Variants in ARFGEF1 observed in about 807,000 individuals in gnomAD.
The protein encoded by ARFGEF1 is ARF guanine nucleotide exchange factor 1.
A neutral mutation model predicts 231.0 loss-of-function variants in ARFGEF1; 42 were observed. That is an observed-to-expected ratio of 0.18 (90% confidence interval 0.14 to 0.24). The LOEUF (loss-of-function observed/expected upper bound fraction) is 0.24. ARFGEF1 is among the 10% of genes least tolerant of loss of function. The pLI is 1.00. For synonymous variants in ARFGEF1, 710 were observed against 732.3 expected (o/e 0.97, Z 0.49); for missense variants, 1,345 against 2,192.0 (o/e 0.61, Z 7.72).
At chr8:67,236,953 T>C (rs533156552) in intron 22 of ARFGEF1, among the ~76,000 whole-genome samples, 3 of 152,374 alleles carry the variant, frequency 2.0e-5, no homozygotes, top group African/African-American at 4.8e-5. Flanking sequence ...TCATTATTTC[T>C]CGTTTGACTA....
intron 1 of ARFGEF1, among the ~76,000 whole-genome samples, chr8:67,332,202 A>G (rs1808132211): frequency 6.6e-6 from 1 of 152,226 alleles, no homozygotes; most frequent in Non-Finnish European, 1.5e-5. Flanking sequence ...GAAGTCACTG[A>G]GATTTACAAC....
chr8:67,298,716 C>T lies in ARFGEF1; in HGVS notation c.459+493G>A, dbSNP rs577873272. On this transcript the variant is annotated intron_variant, in intron 4 of 38. Coordinates refer to ENST00000262215, the MANE Select transcript of ARFGEF1 (RefSeq NM_006421.5). ...TACTTTTCCTCTAACAAACTCTTGGCATACAACATTAAAATCCCCTAATAT... is the reference window on the plus strand; with the variant it reads ...TACTTTTCCTCTAACAAACTCTTGGTATACAACATTAAAATCCCCTAATAT... Among the ~76,000 whole-genome samples the T allele has an allele frequency of 3.3e-5, 5 of 152,154 alleles. No individual in the cohort carries two copies. The East Asian group carries it at 5.8e-4, about 18-fold the overall frequency.
intron 6 of ARFGEF1, 106 bp downstream of exon 6, chr8:67,291,739 GAC>G: frequency 1.4e-6 from 2 of 1,406,444 alleles, no homozygotes; most frequent in Non-Finnish European, 9.7e-7. Flanking sequence ...CAATGTGTCT[GAC>G]ACACTTATTA....
intron 7 of ARFGEF1, among the ~76,000 whole-genome samples, chr8:67,280,150 C>G (rs974412008): frequency 6.6e-6 from 1 of 152,052 alleles, no homozygotes; most frequent in Admixed American, 6.6e-5. Flanking sequence ...AAAGAATAGG[C>G]CAACCTGAGA....
chr8:67,259,108 A>G (rs1840560096), intron 15 of ARFGEF1, among the ~76,000 whole-genome samples: 1 of 152,236 alleles, frequency 6.6e-6, no homozygotes, highest in Non-Finnish European at 1.5e-5. Context: ...GCAATTACCC[A>G]TTATTTCCCC....
At chr8:67,225,214 T>C (rs755301232) in intron 28 of ARFGEF1, among the ~76,000 whole-genome samples, 181 bp from the exon 29 acceptor site, 26 of 152,160 alleles carry the variant, frequency 1.7e-4, no homozygotes, top group South Asian at 4.1e-4. Context: ...GCCACTGAAA[T>C]AGGCAAAACA....
chr8:67,179,827 C>T (rs1832590317), intron 5 of ARFGEF1: 6 of 1,439,606 alleles, frequency 4.2e-6, no homozygotes, highest in Non-Finnish European at 5.8e-6. Flanking sequence ...GTACACAAAA[C>T]TAATAAAAAT....
chr8:67,326,305 T>G (rs1288805426), intron 1 of ARFGEF1, among the ~76,000 whole-genome samples: 1 of 152,192 alleles, frequency 6.6e-6, no homozygotes, highest in African/African-American at 2.4e-5. Flanking sequence ...GCAGTTTCCA[T>G]ATAATTGAAA....
At chr8:67,249,076 C>G (rs1191115030) in intron 19 of ARFGEF1, among the ~76,000 whole-genome samples, 3 of 150,324 alleles carry the variant, frequency 2.0e-5, no homozygotes, top group Non-Finnish European at 1.5e-5. Flanking sequence ...GTACTTAACA[C>G]AAGCCAGGAA....
At chr8:67,274,742 A>G (rs560666204) in intron 9 of ARFGEF1, among the ~76,000 whole-genome samples, 3 of 152,302 alleles carry the variant, frequency 2.0e-5, no homozygotes, top group Non-Finnish European at 2.9e-5. Context: ...TTAATGGTCA[A>G]TAACATTTTT....
intron 1 of ARFGEF1, among the ~76,000 whole-genome samples, chr8:67,320,248 A>C (rs2128927005): frequency 7.2e-6 from 1 of 138,368 alleles, no homozygotes; most frequent in East Asian, 2.2e-4. Flanking sequence ...AAAAAAAAAA[A>C]AAGTGCTCAA....
intron 14 of ARFGEF1, among the ~76,000 whole-genome samples, chr8:67,264,669 A>G (rs1289654042): frequency 6.6e-6 from 1 of 152,162 alleles, no homozygotes; most frequent in Non-Finnish European, 1.5e-5. Context: ...GTAGACAAGT[A>G]TACTAGGAAT....
At chr8:67,290,092 C>A (rs991163120) in intron 6 of ARFGEF1, among the ~76,000 whole-genome samples, 13 of 152,174 alleles carry the variant, frequency 8.5e-5, no homozygotes, top group African/African-American at 3.1e-4. Context: ...TCCAAAAATG[C>A]ACTCTGAACC....
intron 33 of ARFGEF1, among the ~76,000 whole-genome samples, chr8:67,213,193 T>C (rs1308560514): frequency 1.3e-5 from 2 of 152,194 alleles, no homozygotes; most frequent in Non-Finnish European, 2.9e-5. Flanking sequence ...CGTTGACAAT[T>C]TGTTAAGAAA....
intron 32 of ARFGEF1, 74 bp downstream of exon 32, chr8:67,217,708 C>T (rs1174372084): frequency 6.7e-7 from 1 of 1,489,994 alleles, no homozygotes; most frequent in African/African-American, 1.4e-5. Context: ...CACTATCAAA[C>T]TTTTAATCAC....
chr8:67,180,402 G>C (rs1467288479), intron 5 of ARFGEF1, among the ~76,000 whole-genome samples: 1 of 152,228 alleles, frequency 6.6e-6, no homozygotes, highest in Admixed American at 6.5e-5. Flanking sequence ...TTAAGAAATT[G>C]AGAACAGATT....
In ARFGEF1 at chr8:67,276,127, C is replaced by A. The variant is rs371613856; in HGVS notation, c.1204-18G>T. 3.7e-6 allele frequency: 6 copies of A among 1,611,354 alleles called. No homozygotes were observed. In the African/African-American group the frequency reaches 8.0e-5, roughly 22 times the overall value. On this transcript the variant is annotated intron_variant, in intron 8 of 38. Coordinates refer to ENST00000262215, the MANE Select transcript of ARFGEF1 (RefSeq NM_006421.5). ...CCAGATTCCTAAACAAGTTAACATACCATGAAAATTTTAGAGATATTTGCC... is the reference window on the plus strand; with the variant it reads ...CCAGATTCCTAAACAAGTTAACATAACATGAAAATTTTAGAGATATTTGCC...
At chr8:67,257,209 T>C (rs1358445350) in intron 17 of ARFGEF1, among the ~76,000 whole-genome samples, 2 of 152,066 alleles carry the variant, frequency 1.3e-5, no homozygotes, top group African/African-American at 2.4e-5. Context: ...GCCCTCCAAG[T>C]AGTTGGGACC....
downstream of ARFGEF1, chr8:67,173,554 A>G (rs371756330): frequency 4.6e-5 from 7 of 152,320 alleles, no homozygotes; most frequent in East Asian, 1.2e-3. Context: ...AATTTTCAAA[A>G]TACAGAAAGA....
Sources: allele counts gnomAD v4.1 joint callset (sites outside exome capture counted in the v4.1 genomes callset), GRCh38; gene constraint gnomAD v4.1.1; transcripts MANE v1.5; gene names NCBI Gene and HGNC (gene_info 2026-07-23, HGNC 2026-07-21).